The following KIN variants were observed in gnomAD, a reference collection of about 807,000 sequenced individuals.
The protein encoded by KIN is Kin17 DNA and RNA binding protein, also known as DNA/RNA-binding protein KIN17.
Under a neutral mutation model 63.0 loss-of-function variants are expected in KIN, and 47 were observed. That is an observed-to-expected ratio of 0.75 (90% CI 0.59 to 0.95). The LOEUF (loss-of-function observed/expected upper bound fraction) is 0.95, where lower values mean the gene tolerates loss of function less well. Among genes scored for constraint, KIN ranks in the 40% least tolerant of loss-of-function variants. The probability of loss-of-function intolerance (pLI) is 0.00; values close to 1 mark genes in which losing one functional copy is unlikely to be tolerated. For synonymous variants in KIN, 160 were observed against 157.7 expected (o/e 1.01, Z -0.11); for missense variants, 408 against 460.9 (o/e 0.89, Z 1.05).
At chr10:7,766,187 C>T in intron 8 of KIN, 84 bp from the exon 9 acceptor site, 6 of 903,572 alleles carry the variant, frequency 6.6e-6, no homozygotes, top group South Asian at 6.1e-5. Flanking sequence ...AAAATAACAC[C>T]ATAAAACTGT....
chr10:7,760,668 TTATTA>T (rs139122846), intron 11 of KIN, among the ~76,000 whole-genome samples: 19,139 of 152,154 alleles, frequency 0.13, 1,374 homozygotes, highest in East Asian at 0.29. Context: ...TCATACTATA[TTATTA>T]TAATTGCTCT....
intron 8 of KIN, among the ~76,000 whole-genome samples, chr10:7,767,865 CAAAA>C (rs59238687): frequency 1.4e-5 from 1 of 69,100 alleles, no homozygotes. Flanking sequence ...GACTCCGTCT[CAAAA>C]AAAAAAAAAA....
At chr10:7,774,019 C>T (rs549443614) in intron 7 of KIN, among the ~76,000 whole-genome samples, 144 of 152,342 alleles carry the variant, frequency 9.5e-4, no homozygotes, top group African/African-American at 3.0e-3. Context: ...CCAGCTGCCA[C>T]CGGCTTTTGT....
Position 7,783,103 on chromosome 10 carries a change from G to A in KIN, c.187C>T (p.Gln63Ter). Residue 63 changes from glutamine (Q) to a stop codon, truncating the protein, a stop_gained, in exon 2 of 13, where the codon CAG (glutamine) becomes TAG (stop). Coordinates refer to ENST00000379562, the MANE Select transcript of KIN (RefSeq NM_012311.4). LOFTEE classifies it high-confidence loss of function. The part of the protein sequence containing the change: ...QLLLASENPQ[Q>*]FMDYFSEEFR... ...TACTCTGAAAAATAATCCATAAACTGCTGAGGATTTTCTGAAGCCAGCAAT... is the reference window on the plus strand; with the variant it reads ...TACTCTGAAAAATAATCCATAAACTACTGAGGATTTTCTGAAGCCAGCAAT... The A allele has an allele frequency of 6.2e-7, 1 of 1,600,050 alleles. No homozygotes were observed. The highest frequency in any genetic ancestry group is 8.5e-7 in the Non-Finnish European group (1 of 1,171,444).
At chr10:7,768,890 G>A (rs1418033866) in intron 8 of KIN, among the ~76,000 whole-genome samples, 5 of 151,642 alleles carry the variant, frequency 3.3e-5, no homozygotes, top group African/African-American at 4.8e-5. Flanking sequence ...GGTGGCAAGC[G>A]CCTGCAATCC....
intron 1 of KIN, among the ~76,000 whole-genome samples, chr10:7,784,269 A>G (rs1835954154): frequency 6.6e-6 from 1 of 152,212 alleles, no homozygotes; most frequent in African/African-American, 2.4e-5. Flanking sequence ...CCTTTCCCAA[A>G]AAAATTGCAT....
intron 8 of KIN, among the ~76,000 whole-genome samples, chr10:7,767,889 G>A (rs924014290): frequency 6.7e-6 from 1 of 149,518 alleles, no homozygotes; most frequent in Non-Finnish European, 1.5e-5. Flanking sequence ...AAAAAAGACT[G>A]GACGGCATTT....
At chr10:7,757,913 A>C (rs1290330539) in intron 12 of KIN, among the ~76,000 whole-genome samples, 3 of 152,134 alleles carry the variant, frequency 2.0e-5, no homozygotes, top group African/African-American at 7.2e-5. Context: ...ATATGTATAA[A>C]TTTCAAATAT....
intron 7 of KIN, among the ~76,000 whole-genome samples, chr10:7,770,520 T>G (rs1292209603): frequency 2.0e-5 from 3 of 152,242 alleles, no homozygotes. Context: ...CCTTGTGGCA[T>G]GCATCACACT....
rs774162124 is a variant in KIN at position 7,769,198 on chromosome 10, G to A, written c.798+18C>T. Reference sequence around the variant, plus strand: ...TCCTTGGGTTCTAAGGTGTCCACACGCAATCCATAAACTGTACCTCCATGA... The same window carrying A: ...TCCTTGGGTTCTAAGGTGTCCACACACAATCCATAAACTGTACCTCCATGA... On this transcript the variant is annotated intron_variant, in intron 8 of 12. Transcript: ENST00000379562. The A allele has an allele frequency of 1.9e-6, 3 of 1,593,812 alleles. No homozygotes were observed. The highest frequency in any genetic ancestry group is 2.2e-5 in the East Asian group (1 of 44,700).
chr10:7,773,271 C>T (rs1835703305), intron 7 of KIN, among the ~76,000 whole-genome samples: 1 of 152,174 alleles, frequency 6.6e-6, no homozygotes, highest in African/African-American at 2.4e-5. Flanking sequence ...CAACATATTT[C>T]TGTTGTTTTA....
intron 7 of KIN, among the ~76,000 whole-genome samples, chr10:7,770,050 C>G (rs553962272): frequency 2.6e-4 from 39 of 152,152 alleles, no homozygotes; most frequent in Non-Finnish European, 4.4e-4. Flanking sequence ...CGTGCCTCAG[C>G]CTCCCAAGTA....
In KIN at chr10:7,782,044, G is replaced by A. The variant is rs117924343; in HGVS notation, c.209+1037C>T. On this transcript the variant is annotated intron_variant, in intron 2 of 12. Transcript: ENST00000379562. ...CTGCACTCCAGCCTGGGCAACAAGA[G>A]CGAAACTCCCGTCTCAATAATAATA... 0.023 allele frequency among the ~76,000 whole-genome samples: 3,537 copies of A among 152,216 alleles called. 204 individuals carry two copies. In the East Asian group the frequency reaches 0.24, roughly 10 times the overall value.
intron 8 of KIN, among the ~76,000 whole-genome samples, chr10:7,768,569 G>A (rs536452225): frequency 3.9e-4 from 59 of 151,762 alleles, no homozygotes; most frequent in African/African-American, 1.0e-3. Context: ...CAGGTTTCTC[G>A]TGCTCGCTAG....
chr10:7,775,703 A>G (rs372171420), intron 6 of KIN, 48 bp downstream of exon 6: 25 of 1,024,718 alleles, frequency 2.4e-5, no homozygotes, highest in African/African-American at 1.3e-4. Context: ...CAAAGCCAAT[A>G]TAAAAGCATC....
In KIN at chr10:7,753,490, T is replaced by C. The variant is rs1835274976; in HGVS notation, c.*2590A>G. 2 of 152,404 alleles carry C rather than the reference T, an allele frequency of 1.3e-5. No homozygotes were observed. The highest frequency in any genetic ancestry group is 4.8e-5 in the African/African-American group (2 of 41,584). 9.4% of individuals were successfully genotyped at this position (152,404 alleles called of 1,614,324 possible). On this transcript the variant is annotated 3_prime_UTR_variant, in exon 13 of 13. Transcript: ENST00000379562. ...TCTTAGTAGTCCAGGCTCAACTTCT[T>C]GGCTTCATTTCTGGACATGACCACT...
chr10:7,761,976 G>C (rs1315713729), intron 11 of KIN, among the ~76,000 whole-genome samples: 1 of 152,078 alleles, frequency 6.6e-6, no homozygotes. Flanking sequence ...ACTCCAGCCT[G>C]GGTGACAGAG....
At chr10:7,784,758 C>T (rs1425918860) in intron 1 of KIN, among the ~76,000 whole-genome samples, 3 of 152,086 alleles carry the variant, frequency 2.0e-5, no homozygotes, top group Non-Finnish European at 4.4e-5. Context: ...CTAAAACACA[C>T]AGGTAAAAGG....
intron 8 of KIN, among the ~76,000 whole-genome samples, chr10:7,767,886 A>G (rs1462196432): frequency 6.7e-6 from 1 of 148,544 alleles, no homozygotes; most frequent in Non-Finnish European, 1.5e-5. Flanking sequence ...AAAAAAAAAG[A>G]CTGGACGGCA....
Sources: allele counts gnomAD v4.1 joint callset (sites outside exome capture counted in the v4.1 genomes callset), GRCh38; gene constraint gnomAD v4.1.1; transcripts MANE v1.5; gene names NCBI Gene and HGNC (gene_info 2026-07-23, HGNC 2026-07-21).